Variants in PXDNL observed in about 807,000 individuals in gnomAD.
The protein encoded by PXDNL is probable oxidoreductase PXDNL.
PXDNL carries 145 observed loss-of-function variants against 150.8 expected under a neutral mutation model. The ratio of observed to expected loss-of-function variants is 0.96; its 90% CI spans 0.84 to 1.10. PXDNL has a LOEUF of 1.10. Among genes scored for constraint, PXDNL ranks in the 50% least tolerant of loss-of-function variants. The probability of loss-of-function intolerance (pLI) is 0.00; values close to 1 mark genes in which losing one functional copy is unlikely to be tolerated. For missense variants in PXDNL, 2,087 were observed against 1,873.9 expected, an observed-to-expected ratio of 1.11 and a Z score of -2.10; for synonymous variants, 757 against 725.7, an observed-to-expected ratio of 1.04 and a Z score of -0.69.
At position 51,319,843 on chromosome 8, in the gene PXDNL, T is replaced by C; in HGVS notation, c.*48A>G. 1 of 1,418,762 alleles carries C rather than the reference T, an allele frequency of 7.0e-7. No individual in the cohort carries two copies. The highest frequency in any genetic ancestry group is 9.3e-7 in the Non-Finnish European group (1 of 1,078,988). The allele number at this position is 1,418,762 out of a possible 1,614,324, so 87.9% of individuals were successfully genotyped here. ...TAAAAGTTCTGAAGTCCTAAATGTC[T>C]CTTCCTGAGAAATTTCCCATTTGGG... On this transcript the variant is annotated 3_prime_UTR_variant, in exon 23 of 23. Transcript: ENST00000356297.
chr8:51,599,418 G>A (rs1813645089), intron 2 of PXDNL, among the ~76,000 whole-genome samples: 1 of 151,366 alleles, frequency 6.6e-6, no homozygotes, highest in Admixed American at 6.6e-5. Context: ...GATATGTTAT[G>A]TATCTGTTTT....
intron 4 of PXDNL, among the ~76,000 whole-genome samples, chr8:51,531,173 A>G (rs945868498): frequency 2.0e-5 from 3 of 152,188 alleles, no homozygotes; most frequent in Non-Finnish European, 4.4e-5. Flanking sequence ...AATGCCCCCA[A>G]AAGTGTGTCA....
intron 1 of PXDNL, among the ~76,000 whole-genome samples, chr8:51,806,076 A>G (rs565234009): frequency 4.3e-4 from 66 of 152,352 alleles, no homozygotes; most frequent in Non-Finnish European, 6.8e-4. Context: ...TAGAAACACA[A>G]TATCTTTATA....
At chr8:51,771,473 C>T (rs1299004792) in intron 1 of PXDNL, among the ~76,000 whole-genome samples, 1 of 152,202 alleles carries the variant, frequency 6.6e-6, no homozygotes, top group African/African-American at 2.4e-5. Context: ...GCAAAGTGCC[C>T]TTTGGTGTGT....
chr8:51,591,202 A>C (rs1341847990), intron 3 of PXDNL, among the ~76,000 whole-genome samples: 1 of 152,228 alleles, frequency 6.6e-6, no homozygotes, highest in Non-Finnish European at 1.5e-5. Context: ...AGCCTCCAGA[A>C]TGATGAGCCA....
intron 1 of PXDNL, among the ~76,000 whole-genome samples, chr8:51,740,240 G>T (rs1169090232): frequency 1.3e-5 from 2 of 152,138 alleles, no homozygotes; most frequent in Admixed American, 6.5e-5. Context: ...TGGTTATAGT[G>T]ATTGGATTGA....
chr8:51,459,398 G>T (rs531748457), intron 8 of PXDNL, among the ~76,000 whole-genome samples: 2 of 152,286 alleles, frequency 1.3e-5, no homozygotes, highest in East Asian at 3.9e-4. Flanking sequence ...GGTGATTTAA[G>T]TTCCTGGAAT....
At chr8:51,685,045 C>T (rs1182255994) in intron 1 of PXDNL, among the ~76,000 whole-genome samples, 1 of 152,176 alleles carries the variant, frequency 6.6e-6, no homozygotes, top group Admixed American at 6.6e-5. Context: ...TAGGCAGGCA[C>T]TCAGTGTTAC....
At chr8:51,750,433 C>T (rs2037032249) in intron 1 of PXDNL, among the ~76,000 whole-genome samples, 1 of 152,172 alleles carries the variant, frequency 6.6e-6, no homozygotes, top group African/African-American at 2.4e-5. Context: ...TTTATACCAA[C>T]ATCACCACAG....
At chr8:51,491,611 G>C (rs748147401) in intron 5 of PXDNL, among the ~76,000 whole-genome samples, 8 of 152,102 alleles carry the variant, frequency 5.3e-5, no homozygotes, top group Admixed American at 1.3e-4. Flanking sequence ...ACTGCCATGG[G>C]CCTGCCTGCC....
intron 2 of PXDNL, among the ~76,000 whole-genome samples, chr8:51,649,197 A>C (rs1202048459): frequency 6.6e-6 from 1 of 152,196 alleles, no homozygotes; most frequent in Non-Finnish European, 1.5e-5. Context: ...CCTTCAGACA[A>C]GACATGCTCG....
At chr8:51,581,586 G>T (rs542184466) in intron 3 of PXDNL, among the ~76,000 whole-genome samples, 1 of 151,902 alleles carries the variant, frequency 6.6e-6, no homozygotes, top group Non-Finnish European at 1.5e-5. Context: ...AGTTATCTTC[G>T]TGAGAAATTC....
chr8:51,389,237 G>A (rs1807819464), intron 17 of PXDNL, among the ~76,000 whole-genome samples: 1 of 152,012 alleles, frequency 6.6e-6, no homozygotes, highest in African/African-American at 2.4e-5. Flanking sequence ...GGATTTCAGG[G>A]GTTTCATGTG....
At chr8:51,778,602 G>A (rs2037380528) in intron 1 of PXDNL, among the ~76,000 whole-genome samples, 1 of 152,106 alleles carries the variant, frequency 6.6e-6, no homozygotes, top group Admixed American at 6.6e-5. Flanking sequence ...TATTATTACA[G>A]AAGAAGATAC....
chr8:51,339,070 C>T (rs1418193295), intron 21 of PXDNL, among the ~76,000 whole-genome samples: 1 of 152,204 alleles, frequency 6.6e-6, no homozygotes, highest in Admixed American at 6.5e-5. Flanking sequence ...AATTCATGCC[C>T]ATCAGAGCCC....
intron 1 of PXDNL, among the ~76,000 whole-genome samples, chr8:51,730,398 C>G (rs574905740): frequency 2.6e-5 from 4 of 152,238 alleles, no homozygotes; most frequent in African/African-American, 2.4e-5. Context: ...TATATCATTG[C>G]TATATTTTCA....
chr8:51,333,452 A>G (rs1340386813), intron 21 of PXDNL, among the ~76,000 whole-genome samples: 2 of 152,220 alleles, frequency 1.3e-5, no homozygotes, highest in South Asian at 2.1e-4. Flanking sequence ...AAAACAAAGT[A>G]TGCAGGCAAC....
At chr8:51,576,999 G>C (rs1406375256) in intron 3 of PXDNL, among the ~76,000 whole-genome samples, 1 of 151,892 alleles carries the variant, frequency 6.6e-6, no homozygotes, top group Admixed American at 6.6e-5. Flanking sequence ...ATTGAATTCA[G>C]AACTTAAACA....
chr8:51,541,415 GA>G (rs1812214870), intron 4 of PXDNL, among the ~76,000 whole-genome samples: 1 of 152,104 alleles, frequency 6.6e-6, no homozygotes, highest in Non-Finnish European at 1.5e-5. Context: ...ACACCTTTCT[GA>G]GGGCTCCATC....
Sources: allele counts gnomAD v4.1 joint callset (sites outside exome capture counted in the v4.1 genomes callset), GRCh38; gene constraint gnomAD v4.1.1; transcripts MANE v1.5; gene names NCBI Gene and HGNC (gene_info 2026-07-23, HGNC 2026-07-21).